The following CA1 variants were observed in gnomAD, a reference collection of about 807,000 sequenced individuals.
CA1 encodes carbonate dehydratase I.
CA1 carries 27 observed loss-of-function variants against 28.8 expected under a neutral mutation model. That is an observed-to-expected ratio of 0.94 (90% CI 0.69 to 1.29). The LOEUF is 1.29. Among genes scored for constraint, CA1 ranks in the 50% most tolerant of loss-of-function variants. The pLI is 0.00. For missense variants in CA1, 335 were observed against 310.5 expected, an observed-to-expected ratio of 1.08 and a Z score of -0.59; for synonymous variants, 121 against 108.8, an observed-to-expected ratio of 1.11 and a Z score of -0.70.
chr8:85,347,387 G>A (rs1178460012), intron 1 of CA1, among the ~76,000 whole-genome samples: 3 of 152,174 alleles, frequency 2.0e-5, no homozygotes, highest in Non-Finnish European at 4.4e-5. Context: ...GTATCTGGGA[G>A]TTAGATGACT....
At chr8:85,377,602 C>T (rs772282345) in intron 1 of CA1, among the ~76,000 whole-genome samples, 12 of 152,104 alleles carry the variant, frequency 7.9e-5, no homozygotes, top group African/African-American at 2.9e-4. Context: ...GTCAGTAGTT[C>T]GAGACCAGCC....
intron 1 of CA1, among the ~76,000 whole-genome samples, chr8:85,358,558 A>G (rs991942560): frequency 1.9e-4 from 29 of 152,168 alleles, no homozygotes; most frequent in African/African-American, 6.8e-4. Context: ...AAAGCAAAAA[A>G]GAGCCCGATG....
At position 85,329,954 on chromosome 8, in the gene CA1, A is replaced by G. The variant is rs533891100; in HGVS notation, c.514-110T>C. On this transcript the variant is annotated intron_variant, in intron 6 of 7. Transcript: ENST00000523022. ...TATACATTATTTAGAGATTTTAGCT[A>G]AGAGTCATTGATTTTTCTACTATTT... is the stretch of plus-strand genomic sequence containing the variant. 132 of 948,916 alleles carry G rather than the reference A, an allele frequency of 1.4e-4. No homozygotes were observed. In the African/African-American group the frequency reaches 1.8e-3, roughly 13 times the overall value. The allele number at this position is 948,916 out of a possible 1,614,324, so 58.8% of individuals were successfully genotyped here.
At chr8:85,347,541 G>A (rs1809247071) in intron 1 of CA1, among the ~76,000 whole-genome samples, 1 of 152,168 alleles carries the variant, frequency 6.6e-6, no homozygotes, top group Non-Finnish European at 1.5e-5. Context: ...TGGGCTGGCC[G>A]CAAGTGAGGC....
At chr8:85,339,420 A>G (rs997156375) in intron 2 of CA1, among the ~76,000 whole-genome samples, 1 of 152,160 alleles carries the variant, frequency 6.6e-6, no homozygotes, top group African/African-American at 2.4e-5. Flanking sequence ...CTTAATCTGT[A>G]AATGTTGTGT....
In CA1 at chr8:85,328,244, AT is replaced by A. The variant is rs2130102290; in HGVS notation, c.*315del. 1 of 190,100 alleles carries A rather than the reference AT, an allele frequency of 5.3e-6. No homozygotes were observed. Among genetic ancestry groups the A allele is most frequent in the South Asian group, 1.2e-4 (1 of 8,420 alleles). 11.8% of individuals were successfully genotyped at this position (190,100 alleles called of 1,614,324 possible). ...ACAACAGAAAGAAAGAGATAAAATTATTTTATTGGTTCAAATAAACTGAAAA... is the reference window on the plus strand; with the variant it reads ...ACAACAGAAAGAAAGAGATAAAATTATTTATTGGTTCAAATAAACTGAAAA... On this transcript the variant is annotated 3_prime_UTR_variant, in exon 8 of 8. Transcript: ENST00000523022.
At chr8:85,351,445 G>T (rs1357577346) in intron 1 of CA1, among the ~76,000 whole-genome samples, 1 of 152,176 alleles carries the variant, frequency 6.6e-6, no homozygotes, top group Non-Finnish European at 1.5e-5. Context: ...GAAAAATAGG[G>T]TGTATTTCAT....
chr8:85,328,996 G>A (rs1808287344), intron 7 of CA1, among the ~76,000 whole-genome samples: 1 of 152,088 alleles, frequency 6.6e-6, no homozygotes, highest in Non-Finnish European at 1.5e-5. Flanking sequence ...CGTTGGGCGA[G>A]CGACTTATTA....
At chr8:85,366,198 A>C (rs889599816) in intron 1 of CA1, among the ~76,000 whole-genome samples, 13 of 137,974 alleles carry the variant, frequency 9.4e-5, no homozygotes, top group Non-Finnish European at 1.5e-5. Context: ...GTTTTTGTAG[A>C]GATGAGGTCC....
At chr8:85,342,200 G>A (rs907900024) in intron 1 of CA1, among the ~76,000 whole-genome samples, 11 of 151,740 alleles carry the variant, frequency 7.2e-5, no homozygotes, top group African/African-American at 2.7e-4. Flanking sequence ...AGATATACAG[G>A]GTAAGAATAA....
In CA1 at chr8:85,341,584, CAGG is replaced by C. The variant is rs1808933304; in HGVS notation, c.37+12_37+14del. On this transcript the variant is annotated intron_variant, in intron 2 of 7. Coordinates refer to ENST00000523022, the MANE Select transcript of CA1 (RefSeq NM_001128831.4). ...AAGTTATCATTTTGATCTATATAAA[CAGG>C]AGAACTCTTACCATTTTTGTCATCA... The C allele has an allele frequency of 3.4e-6, 5 of 1,486,808 alleles. No homozygotes were observed. Among genetic ancestry groups the C allele is most frequent in the Admixed American group, 3.3e-5 (2 of 59,824 alleles). The allele number at this position is 1,486,808 out of a possible 1,614,324, so 92.1% of individuals were successfully genotyped here.
At chr8:85,354,268 C>T (rs890367035) in intron 1 of CA1, among the ~76,000 whole-genome samples, 2 of 148,716 alleles carry the variant, frequency 1.3e-5, no homozygotes, top group Non-Finnish European at 3.0e-5. Context: ...AGCTACTGTG[C>T]CTGGCCCATT....
At chr8:85,344,200 C>T (rs1427006360) in intron 1 of CA1, among the ~76,000 whole-genome samples, 4 of 101,560 alleles carry the variant, frequency 3.9e-5, no homozygotes, top group African/African-American at 1.7e-4. Flanking sequence ...ATATATTATA[C>T]AGTATATAAT....
intron 3 of CA1, 40 bp downstream of exon 3, chr8:85,338,212 G>A (rs767971460): frequency 9.2e-6 from 14 of 1,521,248 alleles, no homozygotes; most frequent in Non-Finnish European, 1.3e-5. Context: ...TTTCCCAGTA[G>A]ACTGTAAGAA....
intron 6 of CA1, among the ~76,000 whole-genome samples, chr8:85,331,547 C>A (rs1808401182): frequency 6.6e-6 from 1 of 152,096 alleles, no homozygotes; most frequent in South Asian, 2.1e-4. Flanking sequence ...ACCTCCACCT[C>A]CTGGGTTCAA....
At chr8:85,361,750 CAGTG>C (rs1220784900) in intron 1 of CA1, among the ~76,000 whole-genome samples, 1 of 152,162 alleles carries the variant, frequency 6.6e-6, no homozygotes, top group Non-Finnish European at 1.5e-5. Flanking sequence ...GTCTAACACT[CAGTG>C]GGGCTTACTA....
intron 1 of CA1, among the ~76,000 whole-genome samples, chr8:85,358,440 C>T (rs1256119016): frequency 1.3e-5 from 2 of 152,106 alleles, no homozygotes; most frequent in African/African-American, 4.8e-5. Flanking sequence ...TTATATGCTT[C>T]CCCTCTTTAG....
chr8:85,376,093 G>A (rs1482808259), intron 1 of CA1, among the ~76,000 whole-genome samples: 1 of 152,188 alleles, frequency 6.6e-6, no homozygotes, highest in Non-Finnish European at 1.5e-5. Flanking sequence ...TACTTTGGAA[G>A]GTCCAAGCTG....
At chr8:85,374,826 G>A (rs377258525) in intron 1 of CA1, among the ~76,000 whole-genome samples, 1 of 152,096 alleles carries the variant, frequency 6.6e-6, no homozygotes, top group African/African-American at 2.4e-5. Context: ...TGAATGGCTA[G>A]CAATAAATTA....
Sources: allele counts gnomAD v4.1 joint callset (sites outside exome capture counted in the v4.1 genomes callset), GRCh38; gene constraint gnomAD v4.1.1; transcripts MANE v1.5; gene names NCBI Gene and HGNC (gene_info 2026-07-23, HGNC 2026-07-21).